The following NCOA1 variants were observed in gnomAD, a reference collection of about 807,000 sequenced individuals.
The protein encoded by NCOA1 is nuclear receptor coactivator 1.
NCOA1 carries 35 observed loss-of-function variants against 150.9 expected under a neutral mutation model. That is an observed-to-expected ratio of 0.23 (90% CI 0.18 to 0.31). NCOA1 has a LOEUF of 0.31. Among genes scored for constraint, NCOA1 ranks in the 10% least tolerant of loss-of-function variants. The pLI is 1.00. For missense variants in NCOA1, 1,491 were observed against 1,749.3 expected (o/e 0.85, Z 2.63); for synonymous variants, 590 against 630.0 (o/e 0.94, Z 0.95).
intron 1 of NCOA1, among the ~76,000 whole-genome samples, chr2:24,559,082 G>A (rs1396773051): frequency 2.0e-5 from 3 of 152,132 alleles, no homozygotes; most frequent in African/African-American, 7.2e-5. Flanking sequence ...TCAGACTGGG[G>A]TAGTGCAGTT....
At chr2:24,698,189 G>A (rs1290256825) in intron 11 of NCOA1, among the ~76,000 whole-genome samples, 1 of 151,346 alleles carries the variant, frequency 6.6e-6, no homozygotes, top group Non-Finnish European at 1.5e-5. Context: ...GTTTGATGTG[G>A]GGTATGATAG....
chr2:24,729,960 C>T (rs1662908566), intron 17 of NCOA1, 145 bp downstream of exon 17: 2 of 781,414 alleles, frequency 2.6e-6, no homozygotes, highest in Non-Finnish European at 4.0e-6. Flanking sequence ...ATTCTCCTGC[C>T]TCAGACTCCC....
chr2:24,642,033 T>TGC, intron 3 of NCOA1, among the ~76,000 whole-genome samples: 1 of 140,762 alleles, frequency 7.1e-6, no homozygotes, highest in African/African-American at 2.6e-5. Context: ...TGTGTGTGTG[T>TGC]GTGTGCGCGC....
At chr2:24,508,514 G>A (rs369826841) in intron 1 of NCOA1, among the ~76,000 whole-genome samples, 100 of 152,146 alleles carry the variant, frequency 6.6e-4, no homozygotes, top group African/African-American at 2.3e-3. Flanking sequence ...TCCCCAAGCA[G>A]ATGTACATGG....
Position 24,733,531 on chromosome 2 carries a change from C to T in NCOA1, c.3201+3716C>T, listed in dbSNP as rs1187712366. Among the ~76,000 whole-genome samples, 43 of 149,870 alleles carry T rather than the reference C, an allele frequency of 2.9e-4. 1 individual carries two copies. Among genetic ancestry groups the T allele is most frequent in the Admixed American group, 2.8e-3 (43 of 15,094 alleles). On this transcript the variant is annotated intron_variant, in intron 17 of 22. Coordinates refer to ENST00000348332, the MANE Select transcript of NCOA1 (RefSeq NM_003743.5). ...GGCCGAGGCGGGTGGGTTGCCTGAG[C>T]TCCGGAGTTCAAGACCACCCTGCGC...
intron 1 of NCOA1, among the ~76,000 whole-genome samples, chr2:24,550,756 A>G (rs907698088): frequency 2.2e-4 from 33 of 152,234 alleles, no homozygotes; most frequent in Non-Finnish European, 3.8e-4. Flanking sequence ...CCTGTTCACC[A>G]TCACTTGTTT....
chr2:24,571,702 A>T (rs1229392236), intron 2 of NCOA1, among the ~76,000 whole-genome samples: 1 of 152,146 alleles, frequency 6.6e-6, no homozygotes, highest in Non-Finnish European at 1.5e-5. Flanking sequence ...GTTTTTATGT[A>T]TAATTTTGAT....
chr2:24,720,259 A>AG (rs1674290026), intron 14 of NCOA1, among the ~76,000 whole-genome samples: 2 of 152,236 alleles, frequency 1.3e-5, no homozygotes, highest in African/African-American at 4.8e-5. Flanking sequence ...AGTGACTGGA[A>AG]GGGGTGAGGC....
intron 8 of NCOA1, among the ~76,000 whole-genome samples, chr2:24,684,343 A>G (rs535918793): frequency 1.6e-4 from 25 of 152,322 alleles, no homozygotes; most frequent in African/African-American, 5.3e-4. Context: ...AAAGAGGCCT[A>G]CAGTCACAGA....
In NCOA1 at chr2:24,707,252, A is replaced by C. The variant is rs1673494331; in HGVS notation, c.1782A>C (p.Glu594Asp). The part of the protein sequence containing the change: ...DNKEIASILN[E>D]MIQSDNSSSD... The stretch of plus-strand genomic sequence containing the variant: ...AAGAGATTGCCTCAATTTTAAATGA[A>C]ATGATTCAATCTGACAACAGCTCTA... The change falls in exon 13 of 23, where the codon GAA (glutamate) becomes GAC (aspartate). Residue 594 changes from glutamate (E) to aspartate (D), a missense_variant. Glu to Asp is a conservative substitution (Grantham distance 45). Transcript: ENST00000348332. 1 of 1,614,092 alleles carries C rather than the reference A, an allele frequency of 6.2e-7. No individual in the cohort carries two copies. The highest frequency in any genetic ancestry group is 1.3e-5 in the African/African-American group (1 of 74,934).
intron 14 of NCOA1, among the ~76,000 whole-genome samples, chr2:24,712,011 GT>G (rs1308962989): frequency 6.6e-6 from 1 of 152,190 alleles, no homozygotes; most frequent in Non-Finnish European, 1.5e-5. Flanking sequence ...ATTACTGATA[GT>G]TTGCCAGGAT....
rs755241622 is a variant in NCOA1, at chr2:24,758,087, C to T, written c.3996C>T (p.Asn1332=). 2 of 1,614,076 alleles carry T rather than the reference C, an allele frequency of 1.2e-6. No individual in the cohort carries two copies. Among genetic ancestry groups the T allele is most frequent in the South Asian group, 1.1e-5 (1 of 91,080 alleles). ...AGGNTNVQNM[N]PMMAQMQMSS... ...GAAATACGAATGTTCAGAACATGAA[C>T]CCAATGATGGCCCAGATGCAGATGA... The change falls in exon 21 of 23, where the codon AAC becomes AAT. Residue 1332 remains asparagine (N), a synonymous_variant. Transcript: ENST00000348332.
At chr2:24,563,522 C>CTT (rs1258979407) in intron 1 of NCOA1, among the ~76,000 whole-genome samples, 1 of 145,244 alleles carries the variant, frequency 6.9e-6, no homozygotes, top group Non-Finnish European at 1.5e-5. Context: ...AAATCTCTCT[C>CTT]TTTTTTTTTT....
intron 3 of NCOA1, among the ~76,000 whole-genome samples, 186 bp downstream of exon 3, chr2:24,584,746 A>G (rs1667329310): frequency 6.6e-6 from 1 of 152,186 alleles, no homozygotes; most frequent in African/African-American, 2.4e-5. Flanking sequence ...AAAGCTGTGT[A>G]GATCTTTTCA....
chr2:24,576,149 GTTTTTTT>G (rs1183405187), intron 2 of NCOA1, among the ~76,000 whole-genome samples: 1 of 94,026 alleles, frequency 1.1e-5, no homozygotes, highest in Non-Finnish European at 2.0e-5. Flanking sequence ...TTTGGCCTTT[GTTTTTTT>G]TTTTTTGTTT....
Position 24,770,395 on chromosome 2 carries a change from C to T in NCOA1, c.*2004C>T. 4.3e-6 allele frequency: 1 copy of T among 230,162 alleles called. No individual in the cohort carries two copies. The highest frequency in any genetic ancestry group is 8.6e-6 in the Non-Finnish European group (1 of 115,960). The allele number at this position is 230,162 out of a possible 1,614,324, so 14.3% of individuals were successfully genotyped here. Reference sequence around the variant, plus strand: ...GGAAAATTGGAGATGCTAACATCCTCCCCCATCCCAACTGCACCTTAAAAT... The same window carrying T: ...GGAAAATTGGAGATGCTAACATCCTTCCCCATCCCAACTGCACCTTAAAAT... On this transcript the variant is annotated 3_prime_UTR_variant, in exon 23 of 23. Coordinates refer to ENST00000348332, the MANE Select transcript of NCOA1 (RefSeq NM_003743.5).
chr2:24,523,576 A>AG (rs968224231), intron 1 of NCOA1, among the ~76,000 whole-genome samples: 2 of 121,636 alleles, frequency 1.6e-5, no homozygotes, highest in African/African-American at 6.1e-5. Flanking sequence ...ACTGTACTCC[A>AG]GCCTGGGAGA....
At chr2:24,539,151 T>G (rs1558777243) in intron 1 of NCOA1, among the ~76,000 whole-genome samples, 2 of 151,892 alleles carry the variant, frequency 1.3e-5, no homozygotes, top group African/African-American at 4.8e-5. Flanking sequence ...ATTTAAGAGA[T>G]GGGGGTCTCA....
chr2:24,680,043 C>T (rs1672093144), intron 7 of NCOA1, among the ~76,000 whole-genome samples: 1 of 152,000 alleles, frequency 6.6e-6, no homozygotes. Context: ...TAATCTTGTC[C>T]ATTCATCTGT....
Sources: gnomAD v4.1 joint callset for allele counts (sites outside exome capture counted in the v4.1 genomes callset) on GRCh38, gnomAD v4.1.1 for gene constraint, MANE v1.5 for transcripts, NCBI Gene and HGNC (gene_info 2026-07-23, HGNC 2026-07-21) for gene names.